SCAPER: variants seen among roughly 807,000 people sequenced by gnomAD.
SCAPER encodes the protein S phase cyclin A-associated protein in the endoplasmic reticulum.
A neutral mutation model predicts 182.2 loss-of-function variants in SCAPER; 98 were observed. That is an observed-to-expected ratio of 0.54 (90% CI 0.46 to 0.64). The LOEUF is 0.64. Ranked by LOEUF, SCAPER falls within the 30% of genes least tolerant of loss-of-function variation. The pLI is 0.00. For synonymous variants in SCAPER, 605 were observed against 564.6 expected (o/e 1.07, Z -1.01); for missense variants, 1,432 against 1,690.0 (o/e 0.85, Z 2.68).
At chr15:76,412,717 T>G (rs1040641494) in intron 26 of SCAPER, among the ~76,000 whole-genome samples, 7 of 152,188 alleles carry the variant, frequency 4.6e-5, no homozygotes, top group African/African-American at 1.7e-4. Flanking sequence ...GTTTTGGCTG[T>G]GTTAGAGCCT....
chr15:76,382,682 G>A (rs1459728173), intron 27 of SCAPER, among the ~76,000 whole-genome samples: 2 of 152,136 alleles, frequency 1.3e-5, no homozygotes, highest in East Asian at 3.9e-4. Flanking sequence ...TTTGGCTCAA[G>A]GGTGCCCAGG....
rs139533845 is a variant in SCAPER at position 76,663,813 on chromosome 15, C to T, written c.2645+1840G>A. Among the ~76,000 whole-genome samples the T allele has an allele frequency of 9.2e-5, 14 of 152,094 alleles. No homozygotes were observed. The East Asian group carries it at 2.7e-3, about 29-fold the overall frequency. On this transcript the variant is annotated intron_variant, in intron 21 of 31. Transcript: ENST00000563290. ...ATGACTGTCTAGATTTTTCAAAACT[C>T]AAATGGTGTATTTTTGACATCGCCA...
chr15:76,830,689 G>T (rs977476555), intron 5 of SCAPER, among the ~76,000 whole-genome samples: 6 of 151,990 alleles, frequency 3.9e-5, no homozygotes, highest in Non-Finnish European at 8.8e-5. Context: ...GTGGGAAGGA[G>T]ATATCATGAA....
At chr15:76,526,862 T>C (rs150954102) in intron 23 of SCAPER, among the ~76,000 whole-genome samples, 1 of 152,040 alleles carries the variant, frequency 6.6e-6, no homozygotes, top group East Asian at 1.9e-4. Context: ...AATAGTTTTT[T>C]TTTTTATTTT....
At chr15:76,821,285 T>C (rs1021465753) in intron 5 of SCAPER, among the ~76,000 whole-genome samples, 4 of 152,170 alleles carry the variant, frequency 2.6e-5, no homozygotes, top group Non-Finnish European at 5.9e-5. Context: ...AAATGAAATA[T>C]TGCTCACGGC....
At chr15:76,545,167 T>A (rs1163289217) in intron 23 of SCAPER, among the ~76,000 whole-genome samples, 4 of 152,170 alleles carry the variant, frequency 2.6e-5, no homozygotes, top group African/African-American at 9.7e-5. Context: ...ATCTTTAATG[T>A]GTTTGATGTA....
intron 29 of SCAPER, among the ~76,000 whole-genome samples, chr15:76,364,325 A>G (rs986924858): frequency 1.3e-5 from 2 of 152,144 alleles, no homozygotes; most frequent in African/African-American, 4.8e-5. Context: ...ACTGCTCTCT[A>G]GCACCAGCAA....
chr15:76,442,211 A>G (rs1004070989), intron 25 of SCAPER, among the ~76,000 whole-genome samples: 2 of 152,174 alleles, frequency 1.3e-5, no homozygotes, highest in African/African-American at 4.8e-5. Flanking sequence ...ACTGTAGTCT[A>G]TGAGGTACAT....
At chr15:76,561,831 T>G (rs1396291875) in intron 23 of SCAPER, among the ~76,000 whole-genome samples, 2 of 150,872 alleles carry the variant, frequency 1.3e-5, no homozygotes, top group East Asian at 1.9e-4. Context: ...GTATTAGTTT[T>G]TTTTTTTTTT....
intron 18 of SCAPER, among the ~76,000 whole-genome samples, chr15:76,705,360 G>A (rs1028613907): frequency 7.0e-6 from 1 of 142,196 alleles, no homozygotes; most frequent in African/African-American, 2.6e-5. Flanking sequence ...AGAACACATG[G>A]ACACAGGAAG....
intron 21 of SCAPER, among the ~76,000 whole-genome samples, chr15:76,647,989 A>G (rs1023067294): frequency 1.3e-5 from 2 of 152,176 alleles, no homozygotes; most frequent in Non-Finnish European, 2.9e-5. Flanking sequence ...ACATTCTCTT[A>G]AAGAAAACAA....
intron 26 of SCAPER, among the ~76,000 whole-genome samples, chr15:76,421,158 G>A (rs1481403800): frequency 2.6e-5 from 4 of 152,142 alleles, no homozygotes; most frequent in Non-Finnish European, 5.9e-5. Context: ...GCTGGGTCAA[G>A]TGGTATTTCT....
intron 25 of SCAPER, among the ~76,000 whole-genome samples, chr15:76,443,590 C>T (rs1014330672): frequency 1.1e-4 from 17 of 152,194 alleles, no homozygotes; most frequent in African/African-American, 4.1e-4. Flanking sequence ...GGAAAGAATT[C>T]ATTTTGTGCT....
chr15:76,612,400 C>T (rs1439644348), intron 22 of SCAPER, among the ~76,000 whole-genome samples: 2 of 152,066 alleles, frequency 1.3e-5, no homozygotes, highest in East Asian at 3.9e-4. Context: ...CCATGTCTGG[C>T]TAATTTTTTT....
At chr15:76,371,980 G>C (rs1389817351) in intron 29 of SCAPER, among the ~76,000 whole-genome samples, 1 of 151,344 alleles carries the variant, frequency 6.6e-6, no homozygotes, top group Admixed American at 6.6e-5. Context: ...CAGTGTCTCA[G>C]CTTCTTAGAA....
At chr15:76,680,576 A>T (rs1212584075) in intron 20 of SCAPER, among the ~76,000 whole-genome samples, 1 of 152,060 alleles carries the variant, frequency 6.6e-6, no homozygotes, top group Non-Finnish European at 1.5e-5. Context: ...CTGGGAAGTT[A>T]TTGGGTGATG....
intron 26 of SCAPER, among the ~76,000 whole-genome samples, chr15:76,433,178 A>T (rs1360730217): frequency 6.6e-6 from 1 of 152,158 alleles, no homozygotes; most frequent in Non-Finnish European, 1.5e-5. Flanking sequence ...AACTTGTAAA[A>T]GCTCTAGCAG....
chr15:76,393,479 A>G (rs2043846265), intron 27 of SCAPER, among the ~76,000 whole-genome samples: 1 of 152,234 alleles, frequency 6.6e-6, no homozygotes, highest in African/African-American at 2.4e-5. Flanking sequence ...GACAGTATCA[A>G]ATAAGAGACT....
At chr15:76,567,492 C>T (rs2047124450) in intron 23 of SCAPER, 1 of 325,198 alleles carries the variant, frequency 3.1e-6, no homozygotes, top group South Asian at 2.6e-5. Context: ...CTTATGTTAT[C>T]ACAAACATTG....
Sources: allele counts gnomAD v4.1 joint callset (sites outside exome capture counted in the v4.1 genomes callset), GRCh38; gene constraint gnomAD v4.1.1; transcripts MANE v1.5; gene names NCBI Gene and HGNC (gene_info 2026-07-23, HGNC 2026-07-21).